The following FAM120C variants were observed in gnomAD, a reference collection of about 807,000 sequenced individuals.
FAM120C encodes the protein constitutive coactivator of PPAR-gamma-like protein 2.
A neutral mutation model predicts 71.2 loss-of-function variants in FAM120C; 14 were observed. That is an observed-to-expected ratio of 0.20 (90% confidence interval 0.13 to 0.31). The LOEUF is 0.31. Ranked by LOEUF, FAM120C falls within the 10% of genes least tolerant of loss-of-function variation. The probability of loss-of-function intolerance (pLI) is 1.00; values close to 1 mark genes in which losing one functional copy is unlikely to be tolerated. For missense variants in FAM120C, 500 were observed against 879.0 expected (o/e 0.57, Z 5.45); for synonymous variants, 354 against 353.2 (o/e 1.00, Z -0.03).
At chrX:54,128,565 G>A (rs1158830303) in intron 9 of FAM120C, among the ~76,000 whole-genome samples, 6 of 110,318 alleles carry the variant, frequency 5.4e-5, no homozygotes, top group African/African-American at 3.3e-5. Flanking sequence ...GGGAAGGTCA[G>A]CAGATAAACA....
intron 15 of FAM120C, among the ~76,000 whole-genome samples, chrX:54,075,340 G>C (rs1463071878): frequency 4.5e-5 from 5 of 111,739 alleles, no homozygotes; most frequent in African/African-American, 1.6e-4. Flanking sequence ...TTCAAAGCTA[G>C]ATCATTTGGT....
At chrX:54,165,800 T>TAA (rs11415127) in intron 1 of FAM120C, among the ~76,000 whole-genome samples, 4 of 108,937 alleles carry the variant, frequency 3.7e-5, no homozygotes, top group African/African-American at 1.3e-4. Context: ...ATAATAAAAA[T>TAA]AAAAAAATAA....
intron 10 of FAM120C, among the ~76,000 whole-genome samples, chrX:54,104,778 A>G (rs2146579602): frequency 9.2e-6 from 1 of 109,221 alleles, no homozygotes; most frequent in African/African-American, 3.4e-5. Context: ...ACTGCACTTC[A>G]GCCTGGGCAA....
intron 4 of FAM120C, among the ~76,000 whole-genome samples, chrX:54,144,279 A>G (rs1316585106): frequency 9.0e-6 from 1 of 110,534 alleles, no homozygotes; most frequent in Non-Finnish European, 1.9e-5. Context: ...CTCTCTCACC[A>G]CTCCTATTCA....
rs782564880 is a variant in FAM120C at position 54,108,759 on chromosome X, G to C, written c.2312+7786C>G. The stretch of plus-strand genomic sequence containing the variant: ...CAGCCTGGGCAACATGGTGAAACCC[G>C]GTCTCTACAAAAATACAAAAATTAG... On this transcript the variant is annotated intron_variant, in intron 10 of 15. Coordinates refer to ENST00000375180, the MANE Select transcript of FAM120C (RefSeq NM_017848.6). Among the ~76,000 whole-genome samples the C allele has an allele frequency of 3.2e-3, 356 of 109,596 alleles. 2 individuals carry two copies. Among genetic ancestry groups the C allele is most frequent in the Middle Eastern group, 4.7e-3 (1 of 215 alleles).
intron 10 of FAM120C, among the ~76,000 whole-genome samples, chrX:54,095,937 T>C (rs1046633701): frequency 9.0e-6 from 1 of 111,459 alleles, no homozygotes; most frequent in Non-Finnish European, 1.9e-5. Context: ...ATTACAGGCA[T>C]GAGCCACTGT....
chrX:54,117,716 A>C (rs374798863), intron 9 of FAM120C, among the ~76,000 whole-genome samples: 22 of 110,559 alleles, frequency 2.0e-4, no homozygotes, highest in Middle Eastern at 4.6e-3. Flanking sequence ...ACAAAAAAAA[A>C]CAAAAAGTAA....
rs781900018 is a variant in FAM120C, at chrX:54,183,139, G to T, written c.60C>A (p.Pro20=). 5.2e-6 allele frequency: 6 copies of T among 1,150,724 alleles called. No homozygotes were observed. The highest frequency in any genetic ancestry group is 1.8e-5 in the African/African-American group (1 of 54,472). 94.8% of individuals were successfully genotyped at this position (1,150,724 alleles called of 1,213,427 possible). ...LEKRCPGAVV[P]VDLLKLARTV... ...TGCGCGCGAGTTTTAGGAGGTCCACGGGCACCACGGCCCCGGGACAGCGCT... is the reference window on the plus strand; with the variant it reads ...TGCGCGCGAGTTTTAGGAGGTCCACTGGCACCACGGCCCCGGGACAGCGCT... Residue 20 remains proline, a synonymous_variant, in exon 1 of 16, where the codon CCC becomes CCA. Coordinates refer to ENST00000375180, the MANE Select transcript of FAM120C (RefSeq NM_017848.6).
At chrX:54,142,970 G>T (rs1315932102) in intron 4 of FAM120C, among the ~76,000 whole-genome samples, 1 of 111,871 alleles carries the variant, frequency 8.9e-6, no homozygotes, top group Non-Finnish European at 1.9e-5. Context: ...TGATACCCAG[G>T]TAAACAGGGT....
Position 54,091,810 on chromosome X carries a change from C to T in FAM120C, c.2313-384G>A, listed in dbSNP as rs1453906477. ...TGGGGAAAGGATGTTCCAGGTTGAG[C>T]GAAGAGTATGATGTGTGAAGGCCTG... On this transcript the variant is annotated intron_variant, in intron 10 of 15. Transcript: ENST00000375180. Among the ~76,000 whole-genome samples, 4 of 111,371 alleles carry T rather than the reference C, an allele frequency of 3.6e-5. No individual in the cohort carries two copies. In the East Asian group the frequency reaches 1.1e-3, roughly 31 times the overall value.
chrX:54,113,871 G>A (rs1271601762), intron 10 of FAM120C, among the ~76,000 whole-genome samples: 3 of 110,171 alleles, frequency 2.7e-5, no homozygotes, highest in East Asian at 2.9e-4. Context: ...AGCCGAGATC[G>A]TGCCATTGCA....
intron 9 of FAM120C, among the ~76,000 whole-genome samples, chrX:54,125,254 G>T (rs1481393327): frequency 9.1e-6 from 1 of 109,984 alleles, no homozygotes; most frequent in Non-Finnish European, 1.9e-5. Flanking sequence ...ACTATTTCTG[G>T]ATGCCCTGTT....
In FAM120C at chrX:54,165,527, A is replaced by C. The variant is rs934167496; in HGVS notation, c.700-5911T>G. Among the ~76,000 whole-genome samples, 6 of 111,466 alleles carry C rather than the reference A, an allele frequency of 5.4e-5. No individual in the cohort carries two copies. In the Admixed American group the frequency reaches 5.8e-4, roughly 11 times the overall value. Reference sequence around the variant, plus strand: ...CACGGTGGCTCATGCCTGTAATCCCAGCACTTTGGGAGACCAAGGCGGGCA... The same window carrying C: ...CACGGTGGCTCATGCCTGTAATCCCCGCACTTTGGGAGACCAAGGCGGGCA... On this transcript the variant is annotated intron_variant, in intron 1 of 15. Coordinates refer to ENST00000375180, the MANE Select transcript of FAM120C (RefSeq NM_017848.6).
chrX:54,134,695 C>T, intron 7 of FAM120C, 136 bp downstream of exon 7: 3 of 636,103 alleles, frequency 4.7e-6, no homozygotes, highest in Non-Finnish European at 2.3e-6. Context: ...CGTTTTCCTA[C>T]TTTGCTTTCC....
intron 10 of FAM120C, among the ~76,000 whole-genome samples, chrX:54,102,038 CT>C (rs782670215): frequency 3.2e-3 from 322 of 102,135 alleles, no homozygotes; most frequent in East Asian, 6.4e-3. Context: ...TTTGTTTGTT[CT>C]TTTTTTTTTT....
At position 54,166,952 on chromosome X, in the gene FAM120C, A is replaced by G. The variant is rs781914654; in HGVS notation, c.700-7336T>C. Among the ~76,000 whole-genome samples, 166 of 111,045 alleles carry G rather than the reference A, an allele frequency of 1.5e-3. 1 individual carries two copies. Among genetic ancestry groups the G allele is most frequent in the African/African-American group, 5.2e-3 (160 of 30,577 alleles). On this transcript the variant is annotated intron_variant, in intron 1 of 15. Coordinates refer to ENST00000375180, the MANE Select transcript of FAM120C (RefSeq NM_017848.6). ...AATTGCAGCTGAATAAAAGCAGAAC[A>G]TATTCAGGGAAAAAAAAAAGCAAAC...
At chrX:54,104,620 C>T (rs1429991162) in intron 10 of FAM120C, among the ~76,000 whole-genome samples, 2 of 110,176 alleles carry the variant, frequency 1.8e-5, no homozygotes, top group Non-Finnish European at 3.8e-5. Flanking sequence ...CCAGCCTGGT[C>T]AACATGGCGA....
intron 14 of FAM120C, among the ~76,000 whole-genome samples, chrX:54,080,863 G>GAA (rs35030129): frequency 1.6e-3 from 121 of 77,572 alleles, no homozygotes; most frequent in South Asian, 2.2e-3. Context: ...TCCATCTCAA[G>GAA]AAAAAAAAAA....
Position 54,069,563 on chromosome X carries a change from C to G in FAM120C, c.*3470G>C, listed in dbSNP as rs2066701453. 1 of 109,890 alleles carries G rather than the reference C, an allele frequency of 9.1e-6. No individual in the cohort carries two copies. The highest frequency in any genetic ancestry group is 9.8e-5 in the Admixed American group (1 of 10,177). The allele number at this position is 109,890 out of a possible 1,213,427, so 9.1% of individuals were successfully genotyped here. On this transcript the variant is annotated 3_prime_UTR_variant, in exon 16 of 16. Transcript: ENST00000375180. ...CAGCTACCCCCACATTCTTTCTATC[C>G]TACATAAGCATTCCTGCCCCCCACC...
Sources: gnomAD v4.1 joint callset for allele counts (sites outside exome capture counted in the v4.1 genomes callset) on GRCh38, gnomAD v4.1.1 for gene constraint, MANE v1.5 for transcripts, NCBI Gene and HGNC (gene_info 2026-07-23, HGNC 2026-07-21) for gene names.